Variants in ATP13A4 observed in about 807,000 individuals in gnomAD.
ATP13A4 encodes ATPase 13A4, also known as probable cation-transporting ATPase 13A4.
Under a neutral mutation model 142.5 loss-of-function variants are expected in ATP13A4, and 114 were observed. The observed-to-expected ratio is 0.80, with a 90% CI of 0.69 to 0.93. ATP13A4 has a LOEUF of 0.93. ATP13A4 is among the 40% of genes least tolerant of loss of function. The pLI is 0.00. For synonymous variants in ATP13A4, 488 were observed against 514.8 expected, an observed-to-expected ratio of 0.95 and a Z score of 0.70; for missense variants, 1,392 against 1,454.0, an observed-to-expected ratio of 0.96 and a Z score of 0.69.
intron 1 of ATP13A4, among the ~76,000 whole-genome samples, chr3:193,585,730 T>C (rs1275023190): frequency 6.6e-6 from 1 of 152,150 alleles, no homozygotes; most frequent in Non-Finnish European, 1.5e-5. Context: ...TTCCTTTCAT[T>C]TTCTCACTGC....
At chr3:193,510,930 T>C (rs2108682487) in intron 2 of ATP13A4, among the ~76,000 whole-genome samples, 1 of 152,332 alleles carries the variant, frequency 6.6e-6, no homozygotes, top group African/African-American at 2.4e-5. Context: ...ATAATTCAAA[T>C]AAAATCTTTT....
intron 29 of ATP13A4, chr3:193,404,043 T>C (rs1714375074): frequency 1.0e-6 from 1 of 985,334 alleles, no homozygotes; most frequent in African/African-American, 1.7e-5. Flanking sequence ...GCTGCGGGGC[T>C]GTTAAAGATC....
Position 193,587,255 on chromosome 3 carries a change from T to G in ATP13A4, n.92-5349A>C, listed in dbSNP as rs548544907. Among the ~76,000 whole-genome samples, 22 of 152,334 alleles carry G rather than the reference T, an allele frequency of 1.4e-4. No homozygotes were observed. The South Asian group carries it at 4.6e-3, about 32-fold the overall frequency. The stretch of plus-strand genomic sequence containing the variant: ...CTGTATCACTGGGCTAAAATCAAGG[T>G]GCTAGCAGGGCTGCATTCCTGCTGG... On this transcript the variant is annotated intron_variant and non_coding_transcript_variant, in intron 1 of 3. Coordinates refer to the ATP13A4 transcript ENST00000489140.
At chr3:193,554,192 CA>C (rs1723758518) in intron 1 of ATP13A4, 1 of 159,512 alleles carries the variant, frequency 6.3e-6, no homozygotes, top group Non-Finnish European at 1.4e-5. Context: ...GAGGAAGCCA[CA>C]AAAGTAAAAT....
upstream of ATP13A4, among the ~76,000 whole-genome samples, chr3:193,555,501 C>G (rs1723852040): frequency 6.6e-6 from 1 of 152,192 alleles, no homozygotes; most frequent in African/African-American, 2.4e-5. Flanking sequence ...AAGGTATCAT[C>G]AAACTAGTCT....
At chr3:193,484,114 G>C in intron 7 of ATP13A4, 109 bp from the exon 8 acceptor site, 2 of 928,622 alleles carry the variant, frequency 2.2e-6, no homozygotes, top group Non-Finnish European at 3.5e-6. Context: ...ACTGCCAGTT[G>C]AATGGAATGT....
intron 18 of ATP13A4, among the ~76,000 whole-genome samples, chr3:193,442,933 T>G (rs1716733339): frequency 6.6e-6 from 1 of 152,196 alleles, no homozygotes; most frequent in African/African-American, 2.4e-5. Flanking sequence ...GATGTATCTC[T>G]CCCACTGATT....
At chr3:193,555,513 T>C (rs933160784), upstream of ATP13A4, among the ~76,000 whole-genome samples, 2 of 152,264 alleles carry the variant, frequency 1.3e-5, no homozygotes, top group Non-Finnish European at 2.9e-5. Flanking sequence ...AACTAGTCTA[T>C]GTAGTCTCCT....
intron 1 of ATP13A4, among the ~76,000 whole-genome samples, chr3:193,520,288 T>C (rs906648348): frequency 6.6e-6 from 1 of 152,158 alleles, no homozygotes; most frequent in Non-Finnish European, 1.5e-5. Flanking sequence ...ATTATCTCCC[T>C]GGACACTAAA....
chr3:193,573,603 G>A (rs561541648), intron 2 of ATP13A4, among the ~76,000 whole-genome samples: 1 of 151,918 alleles, frequency 6.6e-6, no homozygotes, highest in African/African-American at 2.4e-5. Flanking sequence ...TTCTCCACTC[G>A]AGGTTCCCAT....
rs1279066051 is a variant in ATP13A4 at position 193,573,290 on chromosome 3, C to CTTATATATATATGTGTAT, written n.291+8416_291+8417insATACACATATATATATAA. 6.0e-4 allele frequency among the ~76,000 whole-genome samples: 66 copies of CTTATATATATATGTGTAT among 109,962 alleles called. 1 individual carries two copies. The highest frequency in any genetic ancestry group is 2.7e-3 in the African/African-American group (62 of 22,686). 72.1% of individuals were successfully genotyped at this position (109,962 alleles called of 152,430 possible). A position where few individuals can be genotyped will look rare whatever the true frequency, so the allele number is the denominator to read the frequency against. On this transcript the variant is annotated intron_variant and non_coding_transcript_variant, in intron 2 of 3. Coordinates refer to the ATP13A4 transcript ENST00000489140. Reference sequence around the variant, plus strand: ...ATATATATATACATATATATATATACACATATATATATATATACATATATA... The same window carrying CTTATATATATATGTGTAT: ...ATATATATATACATATATATATATACTTATATATATATGTGTATACATATATATATATATACATATATA...
chr3:193,557,460 GA>G (rs1396552209), upstream of ATP13A4, among the ~76,000 whole-genome samples: 1 of 152,158 alleles, frequency 6.6e-6, no homozygotes, highest in Non-Finnish European at 1.5e-5. Context: ...AACATTTACA[GA>G]ACACTTCCAC....
intron 1 of ATP13A4, among the ~76,000 whole-genome samples, chr3:193,536,200 C>G (rs968571521): frequency 6.6e-6 from 1 of 151,968 alleles, no homozygotes; most frequent in Non-Finnish European, 1.5e-5. Context: ...AAAGTATAGA[C>G]CAACATCCCT....
chr3:193,491,329 C>T lies in ATP13A4; in HGVS notation c.603G>A (p.Glu201=). The T allele has an allele frequency of 1.3e-6, 2 of 1,593,308 alleles. No homozygotes were observed. Among genetic ancestry groups the T allele is most frequent in the Non-Finnish European group, 1.7e-6 (2 of 1,161,524 alleles). Residue 201 remains glutamate, a splice_region_variant and synonymous_variant, in exon 6 of 30, where the codon GAG becomes GAA. Transcript: ENST00000342695. ...CAAGAGAAAATGCTGGAGAAATTAC[C>T]TCCTTGATGAGCAGTTTCCAAATTG... ...VTPIWKLLIK[E]VLNPFYIFQL...
intron 7 of ATP13A4, among the ~76,000 whole-genome samples, chr3:193,487,858 G>T (rs1315357910): frequency 1.3e-5 from 2 of 152,160 alleles, no homozygotes; most frequent in Non-Finnish European, 1.5e-5. Flanking sequence ...AGTAGCAAAA[G>T]ACTAGAAACA....
chr3:193,592,408 C>A (rs558401877), intron 1 of ATP13A4, among the ~76,000 whole-genome samples: 1 of 152,094 alleles, frequency 6.6e-6, no homozygotes, highest in Admixed American at 6.5e-5. Context: ...TCAAAGAAGC[C>A]TGGGAGCAGC....
chr3:193,553,806 A>C (rs1723730302), intron 1 of ATP13A4: 1 of 152,248 alleles, frequency 6.6e-6, no homozygotes, highest in African/African-American at 2.4e-5. Flanking sequence ...TTAGGAACAA[A>C]GAATGTAATA....
chr3:193,496,569 T>A (rs745570680), intron 3 of ATP13A4, among the ~76,000 whole-genome samples: 4 of 152,060 alleles, frequency 2.6e-5, no homozygotes, highest in Non-Finnish European at 5.9e-5. Context: ...GACAGATGGA[T>A]CACTTGAGGT....
intron 25 of ATP13A4, among the ~76,000 whole-genome samples, chr3:193,427,865 C>A (rs528091265): frequency 7.2e-5 from 11 of 151,984 alleles, no homozygotes; most frequent in East Asian, 1.9e-4. Flanking sequence ...AATACCATTC[C>A]GGACATAGGC....
Sources: gnomAD v4.1 joint callset for allele counts (sites outside exome capture counted in the v4.1 genomes callset) on GRCh38, gnomAD v4.1.1 for gene constraint, MANE v1.5 for transcripts, NCBI Gene and HGNC (gene_info 2026-07-23, HGNC 2026-07-21) for gene names.